Variants in STX8 observed in about 807,000 individuals in gnomAD.
The protein encoded by STX8 is syntaxin 8.
STX8 carries 23 observed loss-of-function variants against 37.5 expected under a neutral mutation model. The observed-to-expected ratio is 0.61, with a 90% CI of 0.44 to 0.87. The LOEUF (loss-of-function observed/expected upper bound fraction) is 0.87, where lower values mean the gene tolerates loss of function less well. Among genes scored for constraint, STX8 ranks in the 40% least tolerant of loss-of-function variants. The pLI is 0.00. For missense variants in STX8, 313 were observed against 284.7 expected (o/e 1.10, Z -0.71); for synonymous variants, 115 against 99.1 (o/e 1.16, Z -0.95).
At chr17:9,527,732 C>A (rs192724788) in intron 4 of STX8, among the ~76,000 whole-genome samples, 1 of 152,296 alleles carries the variant, frequency 6.6e-6, no homozygotes, top group African/African-American at 2.4e-5. Flanking sequence ...GTAACGCCCA[C>A]TGACAGCTAA....
At chr17:9,499,017 G>A (rs1189393553) in intron 5 of STX8, among the ~76,000 whole-genome samples, 1 of 152,134 alleles carries the variant, frequency 6.6e-6, no homozygotes, top group Non-Finnish European at 1.5e-5. Flanking sequence ...CAGCTGAAGG[G>A]GCACAGAAGC....
intron 7 of STX8, among the ~76,000 whole-genome samples, chr17:9,323,106 A>G (rs910387265): frequency 3.9e-5 from 6 of 152,152 alleles, no homozygotes; most frequent in African/African-American, 1.4e-4. Flanking sequence ...GCAAAAAGTA[A>G]AGAGAAGCCC....
At chr17:9,479,534 T>G (rs1368358655) in intron 6 of STX8, among the ~76,000 whole-genome samples, 2 of 149,386 alleles carry the variant, frequency 1.3e-5, no homozygotes, top group Non-Finnish European at 1.5e-5. Flanking sequence ...AGATAAAGTA[T>G]GCATAATATA....
chr17:9,324,889 A>G (rs550155726), intron 7 of STX8, among the ~76,000 whole-genome samples: 11 of 152,274 alleles, frequency 7.2e-5, no homozygotes, highest in African/African-American at 1.9e-4. Flanking sequence ...TCCACTTACA[A>G]ATTTTTGACT....
chr17:9,253,244 G>GTGTGTGTGTGTGT (rs1906659367), intron 7 of STX8, among the ~76,000 whole-genome samples: 1 of 150,852 alleles, frequency 6.6e-6, no homozygotes, highest in Non-Finnish European at 1.5e-5. Flanking sequence ...GTGTGTGTGT[G>GTGTGTGTGTGTGT]AATATCTTAG....
At chr17:9,317,518 C>T (rs938716887) in intron 7 of STX8, among the ~76,000 whole-genome samples, 2 of 152,188 alleles carry the variant, frequency 1.3e-5, no homozygotes, top group East Asian at 3.9e-4. Flanking sequence ...GGAATCCCAG[C>T]ACTTTGGGAG....
chr17:9,336,194 T>C (rs1300362372), intron 7 of STX8, among the ~76,000 whole-genome samples: 1 of 152,162 alleles, frequency 6.6e-6, no homozygotes, highest in African/African-American at 2.4e-5. Context: ...CAACACCTTG[T>C]AGAAAAGCAA....
chr17:9,346,281 T>G (rs927191570), intron 7 of STX8, among the ~76,000 whole-genome samples: 38 of 152,168 alleles, frequency 2.5e-4, no homozygotes, highest in African/African-American at 8.7e-4. Flanking sequence ...TTGGCTCCTT[T>G]TCCTCCTCTC....
At chr17:9,375,901 G>A (rs141655416) in intron 7 of STX8, among the ~76,000 whole-genome samples, 1 of 152,296 alleles carries the variant, frequency 6.6e-6, no homozygotes, top group Non-Finnish European at 1.5e-5. Flanking sequence ...GAGAGTTCGT[G>A]AAGCTCGGGT....
At chr17:9,337,164 T>C (rs919156221) in intron 7 of STX8, among the ~76,000 whole-genome samples, 2 of 152,014 alleles carry the variant, frequency 1.3e-5, no homozygotes, top group African/African-American at 4.8e-5. Flanking sequence ...AAAATATACA[T>C]CCATTTAAAA....
Position 9,539,248 on chromosome 17 carries a change from G to A in STX8, c.323+5924C>T, listed in dbSNP as rs568739402. Among the ~76,000 whole-genome samples, 10 of 17,074 alleles carry A rather than the reference G, an allele frequency of 5.9e-4. No homozygotes were observed. In the East Asian group the frequency reaches 0.018, roughly 31 times the overall value. The allele number at this position is 17,074 out of a possible 152,430, so 11.2% of individuals were successfully genotyped here. ...GACTCTCCTTAATAAGGCCACATAT[G>A]AGGAAGAAGAGAAAAGAGGGAAAAG... On this transcript the variant is annotated intron_variant, in intron 4 of 7. Coordinates refer to ENST00000306357, the MANE Select transcript of STX8 (RefSeq NM_004853.3).
At chr17:9,314,216 G>C (rs1909299460) in intron 7 of STX8, among the ~76,000 whole-genome samples, 1 of 152,068 alleles carries the variant, frequency 6.6e-6, no homozygotes, top group Non-Finnish European at 1.5e-5. Context: ...TATATCATTT[G>C]GTGATTTCCA....
intron 7 of STX8, among the ~76,000 whole-genome samples, chr17:9,294,128 G>C (rs948815129): frequency 2.0e-5 from 3 of 152,150 alleles, no homozygotes; most frequent in Non-Finnish European, 2.9e-5. Flanking sequence ...CTAGCCTAGA[G>C]GTGGCCTAGG....
At chr17:9,422,382 C>T (rs1256696590) in intron 6 of STX8, among the ~76,000 whole-genome samples, 1 of 152,220 alleles carries the variant, frequency 6.6e-6, no homozygotes, top group African/African-American at 2.4e-5. Flanking sequence ...GCTGGGATTA[C>T]AGGTGTGAGC....
At chr17:9,438,754 C>A (rs1440354895) in intron 6 of STX8, among the ~76,000 whole-genome samples, 2 of 151,758 alleles carry the variant, frequency 1.3e-5, no homozygotes, top group African/African-American at 2.4e-5. Context: ...CGGTGAAACC[C>A]CCGTCTCTAT....
At chr17:9,482,887 C>T (rs1906404869) in intron 6 of STX8, among the ~76,000 whole-genome samples, 1 of 152,140 alleles carries the variant, frequency 6.6e-6, no homozygotes, top group Admixed American at 6.6e-5. Flanking sequence ...GCACTACAGC[C>T]TGGGTAACAA....
intron 6 of STX8, among the ~76,000 whole-genome samples, chr17:9,409,694 A>G (rs1259144923): frequency 6.6e-6 from 1 of 152,154 alleles, no homozygotes; most frequent in Non-Finnish European, 1.5e-5. Flanking sequence ...TAGTAATGTA[A>G]TGCAGGCAAA....
At chr17:9,498,759 C>T (rs1904505621) in intron 5 of STX8, among the ~76,000 whole-genome samples, 1 of 152,118 alleles carries the variant, frequency 6.6e-6, no homozygotes, top group Admixed American at 6.6e-5. Context: ...ATAGAAAATT[C>T]ATAAGACTAG....
At chr17:9,361,636 T>C (rs1475950496) in intron 7 of STX8, among the ~76,000 whole-genome samples, 1 of 152,234 alleles carries the variant, frequency 6.6e-6, no homozygotes, top group Non-Finnish European at 1.5e-5. Flanking sequence ...AATATTACAA[T>C]TCCATCTTTA....
Sources: gnomAD v4.1 joint callset for allele counts (sites outside exome capture counted in the v4.1 genomes callset) on GRCh38, gnomAD v4.1.1 for gene constraint, MANE v1.5 for transcripts, NCBI Gene and HGNC (gene_info 2026-07-23, HGNC 2026-07-21) for gene names.